The following NEGR1 variants were observed in gnomAD, a reference collection of about 807,000 sequenced individuals.
The protein encoded by NEGR1 is IgLON family member 4.
A neutral mutation model predicts 40.9 loss-of-function variants in NEGR1; 10 were observed. That is an observed-to-expected ratio of 0.24 (90% CI 0.15 to 0.42). NEGR1 has a LOEUF of 0.42. Ranked by LOEUF, NEGR1 falls within the 10% of genes least tolerant of loss-of-function variation. The pLI is 1.00. For missense variants in NEGR1, 352 were observed against 438.9 expected, an observed-to-expected ratio of 0.80 and a Z score of 1.77; for synonymous variants, 185 against 166.8, an observed-to-expected ratio of 1.11 and a Z score of -0.84.
At chr1:71,653,577 T>G (rs1570155677) in intron 4 of NEGR1, among the ~76,000 whole-genome samples, 1 of 152,174 alleles carries the variant, frequency 6.6e-6, no homozygotes, top group East Asian at 1.9e-4. Context: ...TGATTACTAG[T>G]CATTATTGTT....
chr1:72,098,214 GT>G (rs1648786400), intron 1 of NEGR1, among the ~76,000 whole-genome samples: 1 of 152,054 alleles, frequency 6.6e-6, no homozygotes. Flanking sequence ...TCAAACAACT[GT>G]ATAGACCTGG....
At chr1:72,069,211 A>G (rs1032133703) in intron 1 of NEGR1, among the ~76,000 whole-genome samples, 9 of 152,160 alleles carry the variant, frequency 5.9e-5, no homozygotes, top group East Asian at 1.9e-4. Context: ...AGAGTTCAAG[A>G]CCAGCCTGGG....
At chr1:71,993,963 C>T (rs1285707145) in intron 1 of NEGR1, among the ~76,000 whole-genome samples, 1 of 152,110 alleles carries the variant, frequency 6.6e-6, no homozygotes, top group Non-Finnish European at 1.5e-5. Flanking sequence ...TATAATTTCT[C>T]CACTCTTCTT....
At chr1:72,111,365 C>T (rs1354958549) in intron 1 of NEGR1, among the ~76,000 whole-genome samples, 1 of 151,624 alleles carries the variant, frequency 6.6e-6, no homozygotes, top group Non-Finnish European at 1.5e-5. Context: ...TTTAGCATCT[C>T]ATTCTGGGTT....
intron 6 of NEGR1, among the ~76,000 whole-genome samples, chr1:71,437,337 A>T (rs561256806): frequency 6.5e-4 from 99 of 152,118 alleles, no homozygotes; most frequent in Non-Finnish European, 1.3e-4. Flanking sequence ...TCTAAAATTG[A>T]TGTGGTGATG....
At chr1:71,794,294 G>T (rs1454479199) in intron 2 of NEGR1, 1 of 152,054 alleles carries the variant, frequency 6.6e-6, no homozygotes, top group South Asian at 2.1e-4. Context: ...ATATTGAAGA[G>T]TAAAGGACCA....
intron 6 of NEGR1, among the ~76,000 whole-genome samples, chr1:71,432,900 G>C (rs893804555): frequency 2.0e-5 from 3 of 152,144 alleles, no homozygotes; most frequent in Non-Finnish European, 2.9e-5. Context: ...TAATAGATTT[G>C]TATGTCTTTT....
chr1:72,258,444 A>G (rs1655347189), intron 1 of NEGR1, among the ~76,000 whole-genome samples: 1 of 152,188 alleles, frequency 6.6e-6, no homozygotes. Flanking sequence ...TATTGAGAAT[A>G]AATATGTCCC....
intron 3 of NEGR1, among the ~76,000 whole-genome samples, chr1:71,727,988 CAA>C (rs1455062663): frequency 2.0e-5 from 3 of 152,086 alleles, no homozygotes; most frequent in Non-Finnish European, 1.5e-5. Context: ...TTTGGCATAA[CAA>C]AGTTTGGCTA....
intron 6 of NEGR1, among the ~76,000 whole-genome samples, chr1:71,481,858 G>T (rs1398943097): frequency 2.6e-5 from 4 of 151,794 alleles, no homozygotes; most frequent in Admixed American, 2.6e-4. Context: ...TTAGGCTAAA[G>T]TTACATTCAT....
At chr1:71,658,927 A>G (rs934358794) in intron 4 of NEGR1, among the ~76,000 whole-genome samples, 1 of 152,164 alleles carries the variant, frequency 6.6e-6, no homozygotes, top group Non-Finnish European at 1.5e-5. Context: ...TTGAAAAGGA[A>G]ATACTTAAAG....
intron 1 of NEGR1, among the ~76,000 whole-genome samples, chr1:72,223,239 G>A (rs928014983): frequency 6.6e-6 from 1 of 152,078 alleles, no homozygotes; most frequent in Non-Finnish European, 1.5e-5. Flanking sequence ...CAGATTCCAT[G>A]AGCATTTTTG....
intron 6 of NEGR1, among the ~76,000 whole-genome samples, chr1:71,425,285 T>A (rs1646421756): frequency 6.6e-6 from 1 of 152,196 alleles, no homozygotes; most frequent in Non-Finnish European, 1.5e-5. Context: ...CTCTTATGAT[T>A]CCAAATAAAC....
At chr1:71,458,691 G>A (rs1646692775) in intron 6 of NEGR1, among the ~76,000 whole-genome samples, 1 of 152,140 alleles carries the variant, frequency 6.6e-6, no homozygotes, top group Admixed American at 6.5e-5. Flanking sequence ...TATCCATTAA[G>A]TGGATGAATG....
At chr1:71,896,902 T>A (rs954423109) in intron 2 of NEGR1, among the ~76,000 whole-genome samples, 3 of 152,158 alleles carry the variant, frequency 2.0e-5, no homozygotes, top group African/African-American at 7.2e-5. Flanking sequence ...AATTATTATG[T>A]CTGTTTTATA....
At chr1:71,881,637 T>A (rs942973165) in intron 2 of NEGR1, among the ~76,000 whole-genome samples, 1 of 152,092 alleles carries the variant, frequency 6.6e-6, no homozygotes, top group Admixed American at 6.6e-5. Flanking sequence ...CTGTTAAATT[T>A]GAAGAAAAAA....
intron 2 of NEGR1, among the ~76,000 whole-genome samples, chr1:71,800,663 C>T (rs1450996382): frequency 6.6e-6 from 1 of 152,078 alleles, no homozygotes; most frequent in Non-Finnish European, 1.5e-5. Context: ...TTATGCTTTG[C>T]CTTCTTTGTT....
intron 1 of NEGR1, among the ~76,000 whole-genome samples, chr1:72,034,432 T>C (rs1459119674): frequency 1.3e-5 from 2 of 152,206 alleles, no homozygotes; most frequent in Admixed American, 1.3e-4. Flanking sequence ...ATTAATTTGG[T>C]GTCTAACTCG....
chr1:71,754,759 A>G (rs143298233), intron 3 of NEGR1, among the ~76,000 whole-genome samples: 203 of 152,152 alleles, frequency 1.3e-3, no homozygotes, highest in African/African-American at 4.6e-3. Context: ...ACTTTTCCAT[A>G]TATCTTATTC....
Sources: allele counts gnomAD v4.1 joint callset (sites outside exome capture counted in the v4.1 genomes callset), GRCh38; gene constraint gnomAD v4.1.1; transcripts MANE v1.5; gene names NCBI Gene and HGNC (gene_info 2026-07-23, HGNC 2026-07-21).